SLC9A8: variants seen among roughly 807,000 people sequenced by gnomAD.
The protein encoded by SLC9A8 is solute carrier family 9 member A8, also known as sodium/hydrogen exchanger 8.
A neutral mutation model predicts 66.6 loss-of-function variants in SLC9A8; 48 were observed. The ratio of observed to expected loss-of-function variants is 0.72; its 90% confidence interval spans 0.57 to 0.92. The LOEUF is 0.92. SLC9A8 is among the 40% of genes least tolerant of loss of function. The probability of loss-of-function intolerance (pLI) is 0.00; values close to 1 mark genes in which losing one functional copy is unlikely to be tolerated. For synonymous variants in SLC9A8, 274 were observed against 282.6 expected (o/e 0.97, Z 0.31); for missense variants, 599 against 747.3 (o/e 0.80, Z 2.31).
intron 2 of SLC9A8, among the ~76,000 whole-genome samples, chr20:49,817,471 T>A (rs997769728): frequency 1.2e-4 from 18 of 148,908 alleles, no homozygotes; most frequent in Admixed American, 2.0e-4. Flanking sequence ...TTTTTTTTTT[T>A]ATTTCTCTGA....
chr20:49,887,433 C>CGACCGACGGTTGGG (rs2089931254), intron 15 of SLC9A8, among the ~76,000 whole-genome samples: 1 of 152,178 alleles, frequency 6.6e-6, no homozygotes, highest in African/African-American at 2.4e-5. Context: ...ACTGTGACCA[C>CGACCGACGGTTGGG]GACCGCTTCC....
chr20:49,864,597 A>G, intron 9 of SLC9A8, 142 bp from the exon 10 acceptor site: 1 of 610,384 alleles, frequency 1.6e-6, no homozygotes, highest in Admixed American at 3.0e-5. Flanking sequence ...CATAATGACA[A>G]ATTTCCATTT....
chr20:49,853,849 A>G (rs1211740674), intron 7 of SLC9A8, among the ~76,000 whole-genome samples: 1 of 152,204 alleles, frequency 6.6e-6, no homozygotes, highest in Non-Finnish European at 1.5e-5. Flanking sequence ...GTTAATGCGC[A>G]TGAGTCACAT....
intron 11 of SLC9A8, among the ~76,000 whole-genome samples, chr20:49,877,688 C>A (rs1244828549): frequency 1.3e-5 from 2 of 152,196 alleles, no homozygotes; most frequent in East Asian, 1.9e-4. Context: ...TTGACAGATT[C>A]TTGTGTTTAT....
intron 13 of SLC9A8, among the ~76,000 whole-genome samples, chr20:49,883,012 C>CA (rs2089689450): frequency 7.3e-6 from 1 of 136,322 alleles, no homozygotes; most frequent in African/African-American, 2.7e-5. Context: ...CCCCCCACCC[C>CA]CCACCCCCCT....
At chr20:49,880,870 C>T (rs545542507) in intron 12 of SLC9A8, 54 bp from the exon 13 acceptor site, 3 of 1,199,516 alleles carry the variant, frequency 2.5e-6, no homozygotes, top group South Asian at 1.2e-5. Flanking sequence ...CAAGAAGCTT[C>T]AGCTTGAAGA....
At chr20:49,824,489 G>A (rs923796665) in intron 3 of SLC9A8, among the ~76,000 whole-genome samples, 2 of 152,196 alleles carry the variant, frequency 1.3e-5, no homozygotes, top group African/African-American at 4.8e-5. Context: ...TTACAGTTGT[G>A]TGGTCAGTTT....
At chr20:49,831,878 C>T (rs571804463) in intron 3 of SLC9A8, among the ~76,000 whole-genome samples, 12 of 152,330 alleles carry the variant, frequency 7.9e-5, no homozygotes, top group African/African-American at 2.6e-4. Context: ...AAGTGACACC[C>T]CAGACACCAC....
chr20:49,877,928 A>G, intron 11 of SLC9A8, 53 bp from the exon 12 acceptor site: 24 of 1,238,908 alleles, frequency 1.9e-5, no homozygotes, highest in Non-Finnish European at 2.5e-5. Flanking sequence ...GTTTAGTACC[A>G]TATTGGAATG....
chr20:49,830,556 AG>A, intron 3 of SLC9A8: 1 of 626,264 alleles, frequency 1.6e-6, no homozygotes, highest in Non-Finnish European at 2.9e-6. Flanking sequence ...GATTGCGTCC[AG>A]GTCGGGGGGT....
chr20:49,830,854 A>G, intron 3 of SLC9A8: 13 of 1,444,582 alleles, frequency 9.0e-6, no homozygotes, highest in South Asian at 1.1e-5. Flanking sequence ...AATCAGGGAC[A>G]GTTGGCCAGC....
At position 49,844,433 on chromosome 20, in the gene SLC9A8, A is replaced by G. The variant is rs575261440; in HGVS notation, c.349-603A>G. Among the ~76,000 whole-genome samples, 4 of 152,168 alleles carry G rather than the reference A, an allele frequency of 2.6e-5. No individual in the cohort carries two copies. In the East Asian group the frequency reaches 7.7e-4, roughly 29 times the overall value. Reference sequence around the variant, plus strand: ...TTCAGATTAATTTTCTTTCTGTACTAAGGAATAAAAAACATACTACTGTGT... The same window carrying G: ...TTCAGATTAATTTTCTTTCTGTACTGAGGAATAAAAAACATACTACTGTGT... On this transcript the variant is annotated intron_variant, in intron 4 of 15. Transcript: ENST00000361573.
intron 3 of SLC9A8, among the ~76,000 whole-genome samples, chr20:49,836,621 C>T (rs537115532): frequency 2.6e-5 from 4 of 152,320 alleles, no homozygotes; most frequent in African/African-American, 9.6e-5. Flanking sequence ...GCCACCACAC[C>T]TGGCCTCTTT....
chr20:49,874,661 G>A, intron 10 of SLC9A8, 44 bp from the exon 11 acceptor site: 3 of 1,201,948 alleles, frequency 2.5e-6, no homozygotes, highest in African/African-American at 1.5e-5. Flanking sequence ...TCTGAGTTGG[G>A]GATCACACGG....
intron 3 of SLC9A8, chr20:49,830,645 CAG>C (rs1162139733): frequency 2.2e-5 from 14 of 633,324 alleles, no homozygotes; most frequent in Non-Finnish European, 2.9e-5. Context: ...CAGCTGGAGA[CAG>C]GGGCCTATAG....
chr20:49,884,336 A>ACACACACACACACACACACACCC (rs1568884621), intron 14 of SLC9A8, among the ~76,000 whole-genome samples: 1 of 108,478 alleles, frequency 9.2e-6, no homozygotes, highest in Non-Finnish European at 1.9e-5. Flanking sequence ...ACACACACAC[A>ACACACACACACACACACACACCC]CCCCCCGGTC....
At chr20:49,826,638 G>A (rs1456532181) in intron 3 of SLC9A8, among the ~76,000 whole-genome samples, 1 of 152,134 alleles carries the variant, frequency 6.6e-6, no homozygotes, top group Non-Finnish European at 1.5e-5. Context: ...TAAAAATATA[G>A]TATCAACCTG....
chr20:49,859,451 A>G (rs568557571), intron 8 of SLC9A8, among the ~76,000 whole-genome samples: 108 of 151,044 alleles, frequency 7.2e-4, no homozygotes, highest in Non-Finnish European at 2.2e-4. Context: ...GAAAAGGGGC[A>G]TGTCAGACTT....
At chr20:49,830,741 G>T in intron 3 of SLC9A8, 1 of 738,696 alleles carries the variant, frequency 1.4e-6, no homozygotes, top group Middle Eastern at 2.9e-4. Flanking sequence ...AGATGATGCT[G>T]ATTGTAAACA....
Sources: allele counts gnomAD v4.1 joint callset (sites outside exome capture counted in the v4.1 genomes callset), GRCh38; gene constraint gnomAD v4.1.1; transcripts MANE v1.5; gene names NCBI Gene and HGNC (gene_info 2026-07-23, HGNC 2026-07-21).